Variants in KCNMA1 observed in about 807,000 individuals in gnomAD.
KCNMA1 encodes the protein potassium calcium-activated channel subfamily M alpha 1, also known as Calcium-activated potassium channel subunit alpha-1.
KCNMA1 carries 29 observed loss-of-function variants against 140.0 expected under a neutral mutation model. That is an observed-to-expected ratio of 0.21 (90% CI 0.15 to 0.28). KCNMA1 has a LOEUF of 0.28. KCNMA1 is among the 10% of genes least tolerant of loss of function. The pLI is 1.00. For missense variants in KCNMA1, 880 were observed against 1,602.2 expected, an observed-to-expected ratio of 0.55 and a Z score of 7.70; for synonymous variants, 612 against 611.9, an observed-to-expected ratio of 1.00 and a Z score of 0.00.
At chr10:76,943,983 G>A (rs2063276506) in intron 23 of KCNMA1, among the ~76,000 whole-genome samples, 1 of 152,154 alleles carries the variant, frequency 6.6e-6, no homozygotes, top group African/African-American at 2.4e-5. Context: ...GCCACCCTCT[G>A]GCAGCTCGTC....
intron 3 of KCNMA1, among the ~76,000 whole-genome samples, chr10:77,244,878 G>C (rs556122744): frequency 6.6e-6 from 1 of 152,286 alleles, no homozygotes; most frequent in Admixed American, 6.5e-5. Flanking sequence ...CCATCCCTGA[G>C]TGGGCTCGGC....
chr10:77,211,790 C>A (rs1451920889), intron 3 of KCNMA1, among the ~76,000 whole-genome samples: 1 of 152,068 alleles, frequency 6.6e-6, no homozygotes, highest in Non-Finnish European at 1.5e-5. Flanking sequence ...GGACAAAAGA[C>A]ATGAAATGAC....
At chr10:77,051,412 G>A (rs1380451727) in intron 14 of KCNMA1, among the ~76,000 whole-genome samples, 1 of 152,184 alleles carries the variant, frequency 6.6e-6, no homozygotes, top group Non-Finnish European at 1.5e-5. Context: ...TTATTTGTGA[G>A]CCTGGTAGCA....
At chr10:77,123,539 G>A (rs780665937) in intron 5 of KCNMA1, among the ~76,000 whole-genome samples, 2 of 152,106 alleles carry the variant, frequency 1.3e-5, no homozygotes, top group African/African-American at 4.8e-5. Flanking sequence ...GAGCTAAAAC[G>A]ACAAATGTAG....
At chr10:77,116,475 G>C (rs936751362) in intron 6 of KCNMA1, among the ~76,000 whole-genome samples, 1 of 151,866 alleles carries the variant, frequency 6.6e-6, no homozygotes, top group South Asian at 2.1e-4. Flanking sequence ...AGAAGTGTAC[G>C]TTTGTCCCTG....
intron 2 of KCNMA1, among the ~76,000 whole-genome samples, chr10:77,372,481 T>A (rs1012518566): frequency 1.3e-5 from 2 of 152,194 alleles, no homozygotes; most frequent in Non-Finnish European, 2.9e-5. Context: ...CAGTTCAGTG[T>A]TCCTCTCTCA....
intron 5 of KCNMA1, among the ~76,000 whole-genome samples, chr10:77,154,957 A>G (rs1263993070): frequency 6.6e-6 from 1 of 152,216 alleles, no homozygotes; most frequent in Non-Finnish European, 1.5e-5. Flanking sequence ...GTGATAGATC[A>G]GTGGAGAACT....
Position 76,887,168 on chromosome 10 carries a change from G to T in KCNMA1, c.*98C>A. The T allele has an allele frequency of 3.7e-6, 6 of 1,611,578 alleles. No homozygotes were observed. The highest frequency in any genetic ancestry group is 2.2e-5 in the East Asian group (1 of 44,858). Reference sequence around the variant, plus strand: ...AAATATGTGTAAAAAAAAAGGGGGGGACTACAGGGGAAAACAGGGAAAGTT... The same window carrying T: ...AAATATGTGTAAAAAAAAAGGGGGGTACTACAGGGGAAAACAGGGAAAGTT... On this transcript the variant is annotated 3_prime_UTR_variant, in exon 28 of 28. Coordinates refer to ENST00000286628, the MANE Select transcript of KCNMA1 (RefSeq NM_001161352.2).
At chr10:77,219,904 C>T (rs2154187890) in intron 3 of KCNMA1, among the ~76,000 whole-genome samples, 1 of 152,272 alleles carries the variant, frequency 6.6e-6, no homozygotes, top group African/African-American at 2.4e-5. Context: ...CATGCTCTGC[C>T]CAGTGGCATT....
chr10:77,378,579 T>C (rs1475412655), intron 2 of KCNMA1, among the ~76,000 whole-genome samples: 1 of 152,218 alleles, frequency 6.6e-6, no homozygotes, highest in African/African-American at 2.4e-5. Context: ...GCATTGGGTC[T>C]ACAGCCACTA....
chr10:77,047,081 T>C (rs1444496671), intron 14 of KCNMA1, among the ~76,000 whole-genome samples: 1 of 152,222 alleles, frequency 6.6e-6, no homozygotes, highest in Non-Finnish European at 1.5e-5. Flanking sequence ...TCCACAATTA[T>C]GGCCTCTTTC....
At chr10:77,429,882 G>C (rs763396609) in intron 1 of KCNMA1, among the ~76,000 whole-genome samples, 2 of 151,996 alleles carry the variant, frequency 1.3e-5, no homozygotes, top group Non-Finnish European at 2.9e-5. Flanking sequence ...AGCAAGTCAG[G>C]GTTCAAAATC....
At chr10:77,629,603 G>A (rs139210409) in intron 1 of KCNMA1, among the ~76,000 whole-genome samples, 1 of 152,152 alleles carries the variant, frequency 6.6e-6, no homozygotes, top group African/African-American at 2.4e-5. Context: ...CCCTCAAGGA[G>A]TTTGCAGGCA....
intron 2 of KCNMA1, among the ~76,000 whole-genome samples, chr10:77,322,619 T>C (rs2082690188): frequency 6.6e-6 from 1 of 152,166 alleles, no homozygotes; most frequent in Admixed American, 6.5e-5. Flanking sequence ...CCCTACTCCT[T>C]AGAAACAGAA....
At chr10:77,295,805 A>AAAAAAAAC (rs2074892311) in intron 2 of KCNMA1, among the ~76,000 whole-genome samples, 2 of 136,896 alleles carry the variant, frequency 1.5e-5, no homozygotes, top group Admixed American at 7.8e-5. Context: ...AAAAAAAAAA[A>AAAAAAAAC]AAAAAAAAAA....
intron 1 of KCNMA1, among the ~76,000 whole-genome samples, chr10:77,525,758 T>C (rs1195633510): frequency 6.6e-6 from 1 of 152,220 alleles, no homozygotes; most frequent in Non-Finnish European, 1.5e-5. Flanking sequence ...TTGCTATTCA[T>C]GGAGGCAAAA....
intron 3 of KCNMA1, among the ~76,000 whole-genome samples, chr10:77,207,187 T>A (rs1480864236): frequency 1.3e-5 from 2 of 152,204 alleles, no homozygotes; most frequent in East Asian, 1.9e-4. Flanking sequence ...CATGTTAATC[T>A]AAAGCTCTTC....
chr10:77,273,797 T>G (rs535798678), intron 2 of KCNMA1, among the ~76,000 whole-genome samples: 1 of 152,278 alleles, frequency 6.6e-6, no homozygotes, highest in South Asian at 2.1e-4. Context: ...CGTGTATTTG[T>G]TGATTTCTTA....
At chr10:77,142,512 C>T (rs186364230) in intron 5 of KCNMA1, among the ~76,000 whole-genome samples, 86 of 152,156 alleles carry the variant, frequency 5.7e-4, no homozygotes, top group African/African-American at 1.0e-3. Flanking sequence ...GACATACATA[C>T]GCAAAAGGGC....
Sources: gnomAD v4.1 joint callset for allele counts (sites outside exome capture counted in the v4.1 genomes callset) on GRCh38, gnomAD v4.1.1 for gene constraint, MANE v1.5 for transcripts, NCBI Gene and HGNC (gene_info 2026-07-23, HGNC 2026-07-21) for gene names.